The following UNC13C variants were observed in gnomAD, a reference collection of about 807,000 sequenced individuals.
UNC13C encodes the protein protein unc-13 homolog C.
A neutral mutation model predicts 245.4 loss-of-function variants in UNC13C; 174 were observed. The ratio of observed to expected loss-of-function variants is 0.71; its 90% CI spans 0.63 to 0.80. The LOEUF (loss-of-function observed/expected upper bound fraction) is 0.80. Ranked by LOEUF, UNC13C falls within the 30% of genes least tolerant of loss-of-function variation. The probability of loss-of-function intolerance (pLI) is 0.00; values close to 1 mark genes in which losing one functional copy is unlikely to be tolerated. For synonymous variants in UNC13C, 992 were observed against 895.1 expected (o/e 1.11, Z -1.93); for missense variants, 2,829 against 2,602.9 (o/e 1.09, Z -1.89).
chr15:54,041,350 A>G (rs571154847), intron 2 of UNC13C, among the ~76,000 whole-genome samples: 1 of 152,284 alleles, frequency 6.6e-6, no homozygotes, highest in East Asian at 1.9e-4. Context: ...TCTTTTTGTG[A>G]TTATAAATAA....
chr15:54,124,160 C>A (rs1365901687), intron 2 of UNC13C, among the ~76,000 whole-genome samples: 1 of 152,130 alleles, frequency 6.6e-6, no homozygotes, highest in Non-Finnish European at 1.5e-5. Context: ...TATGATTAAT[C>A]ATATGTAGAT....
intron 4 of UNC13C, among the ~76,000 whole-genome samples, chr15:54,167,471 C>T (rs1204442019): frequency 1.5e-5 from 2 of 135,758 alleles, no homozygotes; most frequent in East Asian, 2.1e-4. Flanking sequence ...CACTGCACTC[C>T]AGCCTGGGTG....
intron 24 of UNC13C, among the ~76,000 whole-genome samples, chr15:54,517,614 G>T (rs1293150218): frequency 2.6e-5 from 4 of 152,050 alleles, no homozygotes; most frequent in Admixed American, 6.6e-5. Flanking sequence ...ATGAAAAAAA[G>T]GTCTGAGCAC....
intron 10 of UNC13C, among the ~76,000 whole-genome samples, chr15:54,268,853 T>G (rs912299440): frequency 6.6e-6 from 1 of 152,034 alleles, no homozygotes; most frequent in African/African-American, 2.4e-5. Context: ...TTTATGTGCA[T>G]GCACTTATCA....
the UNC13C span, among the ~76,000 whole-genome samples, chr15:53,932,098 C>G: frequency 6.6e-6 from 1 of 152,060 alleles, no homozygotes; most frequent in African/African-American, 2.4e-5. Flanking sequence ...ATCATAAAGT[C>G]AAGAGATTGA....
chr15:54,359,051 T>A (rs2039166131), intron 17 of UNC13C, among the ~76,000 whole-genome samples: 1 of 152,060 alleles, frequency 6.6e-6, no homozygotes, highest in Non-Finnish European at 1.5e-5. Context: ...ATAGAATTTT[T>A]TTTCTGTGTC....
chr15:54,624,072 T>C (rs968169852), intron 32 of UNC13C, 118 bp downstream of exon 32: 71 of 1,252,524 alleles, frequency 5.7e-5, no homozygotes, highest in Non-Finnish European at 6.3e-5. Flanking sequence ...TGTTTTTAGT[T>C]CCCTTCCATT....
chr15:54,529,155 G>A lies in UNC13C; in HGVS notation c.5546+3518G>A, dbSNP rs190865213. On this transcript the variant is annotated intron_variant, in intron 25 of 32. Coordinates refer to ENST00000260323, the MANE Select transcript of UNC13C (RefSeq NM_001080534.3). ...TGCCAAGCCCAGAGGGGCAAGAATG[G>A]TGTTGTCAACAGTAAAGAAATCCAA... is the stretch of plus-strand genomic sequence containing the variant. Among the ~76,000 whole-genome samples the A allele has an allele frequency of 4.3e-3, 652 of 152,266 alleles. 9 individuals are homozygous for A. Among genetic ancestry groups the A allele is most frequent in the Middle Eastern group, 6.8e-3 (2 of 294 alleles).
chr15:54,522,518 T>G lies in UNC13C; in HGVS notation c.5458-3031T>G, dbSNP rs180757626. On this transcript the variant is annotated intron_variant, in intron 24 of 32. Transcript: ENST00000260323. ...CAACAACAACAACAACAACAAAAAG[T>G]CTTGCCTACTAGCTGGCTCTCCCAG... is the stretch of plus-strand genomic sequence containing the variant. Among the ~76,000 whole-genome samples, 5 of 151,484 alleles carry G rather than the reference T, an allele frequency of 3.3e-5. No homozygotes were observed. The East Asian group carries it at 9.7e-4, about 29-fold the overall frequency.
intron 30 of UNC13C, among the ~76,000 whole-genome samples, chr15:54,619,142 C>T (rs1900638587): frequency 6.6e-6 from 1 of 152,130 alleles, no homozygotes; most frequent in African/African-American, 2.4e-5. Flanking sequence ...GTAATCCTTT[C>T]AGCTTTTTAT....
intron 7 of UNC13C, among the ~76,000 whole-genome samples, chr15:54,244,828 C>T (rs2035950808): frequency 6.6e-6 from 1 of 152,140 alleles, no homozygotes; most frequent in African/African-American, 2.4e-5. Flanking sequence ...ATTTTGTATC[C>T]TCAGACTTTG....
rs370302980 is a variant in UNC13C, at chr15:54,415,121, A to G, written c.4933+54A>G. 2.4e-5 allele frequency: 31 copies of G among 1,317,054 alleles called. No homozygotes were observed. The African/African-American group carries it at 4.1e-4, about 18-fold the overall frequency. The allele number at this position is 1,317,054 out of a possible 1,614,324, so 81.6% of individuals were successfully genotyped here. Reference sequence around the variant, plus strand: ...ATACATGTTAGAGTTAAATGGTGATATTGTGTTCTTGGCTTTAAATGTTGA... The same window carrying G: ...ATACATGTTAGAGTTAAATGGTGATGTTGTGTTCTTGGCTTTAAATGTTGA... On this transcript the variant is annotated intron_variant, in intron 19 of 32. Coordinates refer to ENST00000260323, the MANE Select transcript of UNC13C (RefSeq NM_001080534.3).
chr15:54,337,976 T>G (rs2038633422), intron 16 of UNC13C, among the ~76,000 whole-genome samples: 1 of 152,168 alleles, frequency 6.6e-6, no homozygotes, highest in Non-Finnish European at 1.5e-5. Context: ...ATATTTTACG[T>G]ATTTATTTTA....
intron 19 of UNC13C, among the ~76,000 whole-genome samples, chr15:54,492,185 T>C (rs1483696544): frequency 6.6e-6 from 1 of 152,206 alleles, no homozygotes; most frequent in Non-Finnish European, 1.5e-5. Flanking sequence ...CTATAGTTTA[T>C]ACAAAGGTTC....
chr15:54,070,701 T>G (rs1595805592), intron 2 of UNC13C, among the ~76,000 whole-genome samples: 1 of 152,308 alleles, frequency 6.6e-6, no homozygotes, highest in East Asian at 1.9e-4. Flanking sequence ...TCCAGTTAGC[T>G]GTGGCCTCTG....
chr15:54,552,718 T>A (rs181676992), intron 28 of UNC13C, among the ~76,000 whole-genome samples: 4,523 of 86,048 alleles, frequency 0.053, 150 homozygotes, highest in Admixed American at 0.1. Flanking sequence ...TATATTATAT[T>A]GTACAATATA....
chr15:54,222,975 A>G lies in UNC13C; in HGVS notation c.3072-12055A>G, dbSNP rs151134911. Among the ~76,000 whole-genome samples the G allele has an allele frequency of 6.5e-4, 98 of 151,774 alleles. No homozygotes were observed. In the East Asian group the frequency reaches 0.015, roughly 23 times the overall value. On this transcript the variant is annotated intron_variant, in intron 4 of 32. Coordinates refer to ENST00000260323, the MANE Select transcript of UNC13C (RefSeq NM_001080534.3). ...TTCTATAGAGTTGTTTGGGCTCCCT[A>G]TGTGTATTCTGGTTATTAATCTCTT...
At position 54,507,116 on chromosome 15, in the gene UNC13C, G is replaced by A. The variant is rs1392794310; in HGVS notation, c.5302-1G>A. On this transcript the variant is annotated splice_acceptor_variant, in intron 22 of 32. Transcript: ENST00000260323. LOFTEE classifies it high-confidence loss of function. ...AAAGTTCACAATGTTTTCTTTCTTA[G>A]ACTATCAATAAAGTGCTGCTCCAGT... 1 of 1,587,626 alleles carries A rather than the reference G, an allele frequency of 6.3e-7. No homozygotes were observed. The highest frequency in any genetic ancestry group is 1.7e-5 in the Admixed American group (1 of 57,158).
In UNC13C at chr15:54,331,954, A is replaced by G. The variant is rs553654320; in HGVS notation, c.4426-89A>G. On this transcript the variant is annotated intron_variant, in intron 14 of 32. Coordinates refer to ENST00000260323, the MANE Select transcript of UNC13C (RefSeq NM_001080534.3). ...TTGATATATTTGATCCTTCCTTTCT[A>G]TAAAATAGAGACAAAACTCAGAATT... is the stretch of plus-strand genomic sequence containing the variant. 6 of 806,028 alleles carry G rather than the reference A, an allele frequency of 7.4e-6. No homozygotes were observed. In the South Asian group the frequency reaches 9.7e-5, roughly 13 times the overall value. The allele number at this position is 806,028 out of a possible 1,614,324, so 49.9% of individuals were successfully genotyped here.
Sources: gnomAD v4.1 joint callset for allele counts (sites outside exome capture counted in the v4.1 genomes callset) on GRCh38, gnomAD v4.1.1 for gene constraint, MANE v1.5 for transcripts, NCBI Gene and HGNC (gene_info 2026-07-23, HGNC 2026-07-21) for gene names.